The following LCP2 variants were observed in gnomAD, a reference collection of about 807,000 sequenced individuals.
LCP2 encodes the protein lymphocyte cytosolic protein 2, also known as 76 kDa tyrosine phosphoprotein.
A neutral mutation model predicts 74.5 loss-of-function variants in LCP2; 29 were observed. That is an observed-to-expected ratio of 0.39 (90% CI 0.29 to 0.53). The LOEUF is 0.53. Among genes scored for constraint, LCP2 ranks in the 20% least tolerant of loss-of-function variants. LCP2 has a pLI of 0.72. For missense variants in LCP2, 604 were observed against 634.6 expected (o/e 0.95, Z 0.52); for synonymous variants, 228 against 229.5 (o/e 0.99, Z 0.06).
In LCP2 at chr5:170,270,845, C is replaced by T. The variant is rs767381846; in HGVS notation, c.397G>A (p.Glu133Lys). ...TCTTCCACGGGTGCCTCTTCCTCCT[C>T]ATTGGGGGACTCATAGTCTCCATCA... Reference protein sequence around the residue: ...EDDGDYESPNEEEEAPVEDDA... With the variant: ...EDDGDYESPNKEEEAPVEDDA... The change falls in exon 7 of 21, where the codon GAG (glutamate) becomes AAG (lysine). Residue 133 changes from glutamate (E) to lysine (K), a missense_variant. Transcript: ENST00000046794. 3 of 1,612,538 alleles carry T rather than the reference C, an allele frequency of 1.9e-6. No homozygotes were observed. The highest frequency in any genetic ancestry group is 1.1e-5 in the South Asian group (1 of 90,652).
At chr5:170,273,915 G>T in intron 6 of LCP2, 1 of 125,548 alleles carries the variant, frequency 8.0e-6, no homozygotes, top group Non-Finnish European at 1.5e-5. Context: ...GTCCATTTTT[G>T]GAGACGGGGG....
chr5:170,277,334 G>C (rs796867606), intron 3 of LCP2, among the ~76,000 whole-genome samples: 24 of 152,154 alleles, frequency 1.6e-4, no homozygotes, highest in African/African-American at 5.8e-4. Context: ...TGACCATCTC[G>C]AAGTAACAAG....
At position 170,270,790 on chromosome 5, in the gene LCP2, T is replaced by C. The variant is rs766247848; in HGVS notation, c.452A>G (p.Asn151Ser). 5 of 1,609,284 alleles carry C rather than the reference T, an allele frequency of 3.1e-6. No homozygotes were observed. Among genetic ancestry groups the C allele is most frequent in the East Asian group, 2.2e-5 (1 of 44,508 alleles). The change falls in exon 7 of 21, where the codon AAT becomes AGT. Residue 151 changes from asparagine to serine, a missense_variant. Transcript: ENST00000046794. Reference protein sequence around the residue: ...DDADYEPPPSNDEEALQNSIL... With the variant: ...DDADYEPPPSSDEEALQNSIL... Reference sequence around the variant, plus strand: ...GGAGTTCTGCAGAGCTTCCTCGTCATTGGAGGGTGGCGGCTCATAATCCGC... The same window carrying C: ...GGAGTTCTGCAGAGCTTCCTCGTCACTGGAGGGTGGCGGCTCATAATCCGC...
chr5:170,260,765 T>C (rs1266247890), intron 14 of LCP2, among the ~76,000 whole-genome samples: 8 of 152,256 alleles, frequency 5.3e-5, no homozygotes, highest in East Asian at 1.9e-4. Flanking sequence ...AACAGTAGCC[T>C]TGGAAATTTA....
chr5:170,268,089 T>C (rs547572283), intron 8 of LCP2, among the ~76,000 whole-genome samples: 1 of 152,246 alleles, frequency 6.6e-6, no homozygotes, highest in East Asian at 1.9e-4. Flanking sequence ...GAAGGCTCGG[T>C]ACCCAGGCAA....
chr5:170,250,841 G>C lies in LCP2; in HGVS notation c.1368C>G (p.Thr456=), dbSNP rs1761421534. 2 of 1,612,920 alleles carry C rather than the reference G, an allele frequency of 1.2e-6. No individual in the cohort carries two copies. Among genetic ancestry groups the C allele is most frequent in the Non-Finnish European group, 1.7e-6 (2 of 1,179,082 alleles). Residue 456 remains threonine (T), a synonymous_variant, in exon 20 of 21, where the codon ACC becomes ACG. Transcript: ENST00000046794. ...LVRDSSKKTT[T]NPYVLMVLYK... ...ACAACACCATGAGGACATATGGATTGGTTGTTGTTTTTTTAGAGCTGTCTC... is the reference window on the plus strand; with the variant it reads ...ACAACACCATGAGGACATATGGATTCGTTGTTGTTTTTTTAGAGCTGTCTC...
intron 14 of LCP2, among the ~76,000 whole-genome samples, chr5:170,260,843 G>A (rs762385719): frequency 3.9e-5 from 6 of 152,014 alleles, no homozygotes; most frequent in Admixed American, 2.0e-4. Context: ...TGTAATTACC[G>A]GCCCCTGGTA....
intron 2 of LCP2, among the ~76,000 whole-genome samples, chr5:170,291,195 A>AAGGC (rs965174141): frequency 1.5e-5 from 2 of 134,908 alleles, no homozygotes; most frequent in East Asian, 2.3e-4. Context: ...GGAAGGAAAG[A>AAGGC]AGGCAGGAAG....
Position 170,287,953 on chromosome 5 carries a change from G to T in LCP2, c.188+17C>A. Reference sequence around the variant, plus strand: ...CCTCTGCTCCCAGATCACCCATAGAGTTGGAGGAGTACTTACGGCACCCGG... The same window carrying T: ...CCTCTGCTCCCAGATCACCCATAGATTTGGAGGAGTACTTACGGCACCCGG... On this transcript the variant is annotated intron_variant, in intron 3 of 20. Coordinates refer to ENST00000046794, the MANE Select transcript of LCP2 (RefSeq NM_005565.5). The T allele has an allele frequency of 6.2e-7, 1 of 1,612,010 alleles. No individual in the cohort carries two copies. The highest frequency in any genetic ancestry group is 1.3e-5 in the African/African-American group (1 of 75,002).
At chr5:170,265,878 G>A (rs1761745161) in intron 10 of LCP2, among the ~76,000 whole-genome samples, 2 of 152,172 alleles carry the variant, frequency 1.3e-5, no homozygotes, top group Admixed American at 1.3e-4. Context: ...GACTCATGTA[G>A]TTCACAGCAA....
chr5:170,271,932 T>C (rs1385052163), intron 6 of LCP2, among the ~76,000 whole-genome samples: 2 of 152,190 alleles, frequency 1.3e-5, no homozygotes. Context: ...TGTTTGTTTT[T>C]GACTTGAGGA....
chr5:170,272,338 T>C lies in LCP2; in HGVS notation c.325-1421A>G, dbSNP rs533925065. On this transcript the variant is annotated intron_variant, in intron 6 of 20. Transcript: ENST00000046794. Reference sequence around the variant, plus strand: ...CTGCCATATGTGTGTTAAAGTAAATTAAAATGGAGACCAGGCCTGAAGAAT... The same window carrying C: ...CTGCCATATGTGTGTTAAAGTAAATCAAAATGGAGACCAGGCCTGAAGAAT... Among the ~76,000 whole-genome samples, 4 of 152,320 alleles carry C rather than the reference T, an allele frequency of 2.6e-5. No homozygotes were observed. In the South Asian group the frequency reaches 8.3e-4, roughly 32 times the overall value.
intron 19 of LCP2, 55 bp from the exon 20 acceptor site, chr5:170,250,940 G>C (rs762305943): frequency 2.0e-6 from 3 of 1,464,572 alleles, no homozygotes; most frequent in Non-Finnish European, 2.8e-6. Flanking sequence ...TATTTTTGTT[G>C]CTTGTAAGAG....
At chr5:170,254,748 G>A (rs1298043860) in intron 17 of LCP2, among the ~76,000 whole-genome samples, 1 of 152,204 alleles carries the variant, frequency 6.6e-6, no homozygotes, top group Non-Finnish European at 1.5e-5. Flanking sequence ...CTGCAGGCCA[G>A]CATCATAGAG....
intron 1 of LCP2, among the ~76,000 whole-genome samples, chr5:170,294,282 C>T (rs1018595527): frequency 2.8e-4 from 42 of 152,164 alleles, no homozygotes; most frequent in Admixed American, 2.0e-3. Flanking sequence ...TACTATTTTG[C>T]GAACTTTTTT....
Position 170,270,847 on chromosome 5 carries a change from T to C in LCP2, c.395A>G (p.Asn132Ser), listed in dbSNP as rs1329258017. 20 of 1,612,432 alleles carry C rather than the reference T, an allele frequency of 1.2e-5. No individual in the cohort carries two copies. Among genetic ancestry groups the C allele is most frequent in the East Asian group, 4.5e-5 (2 of 44,848 alleles). Reference protein sequence around the residue: ...GEDDGDYESPNEEEEAPVEDD... With the variant: ...GEDDGDYESPSEEEEAPVEDD... ...TTCCACGGGTGCCTCTTCCTCCTCATTGGGGGACTCATAGTCTCCATCATC... is the reference window on the plus strand; with the variant it reads ...TTCCACGGGTGCCTCTTCCTCCTCACTGGGGGACTCATAGTCTCCATCATC... Residue 132 changes from asparagine to serine, a missense_variant, in exon 7 of 21, where the codon AAT (asparagine) becomes AGT (serine). Coordinates refer to ENST00000046794, the MANE Select transcript of LCP2 (RefSeq NM_005565.5).
chr5:170,277,729 G>A (rs1762029829), intron 3 of LCP2, among the ~76,000 whole-genome samples: 1 of 116,754 alleles, frequency 8.6e-6, no homozygotes, highest in African/African-American at 3.5e-5. Context: ...GGGGACAGGA[G>A]CAAAACTTCG....
chr5:170,277,994 C>T (rs577711555), intron 3 of LCP2, among the ~76,000 whole-genome samples: 1 of 151,818 alleles, frequency 6.6e-6, no homozygotes, highest in South Asian at 2.1e-4. Context: ...CGTCAGAATG[C>T]TTGTGACATG....
intron 3 of LCP2, among the ~76,000 whole-genome samples, chr5:170,277,368 AGT>A (rs1473500672): frequency 6.6e-6 from 1 of 152,176 alleles, no homozygotes; most frequent in Non-Finnish European, 1.5e-5. Context: ...AAACTTGCTA[AGT>A]TAGCAAAGGA....
Sources: gnomAD v4.1 joint callset for allele counts (sites outside exome capture counted in the v4.1 genomes callset) on GRCh38, gnomAD v4.1.1 for gene constraint, MANE v1.5 for transcripts, NCBI Gene and HGNC (gene_info 2026-07-23, HGNC 2026-07-21) for gene names.